Variants in ZNF624 observed in about 807,000 individuals in gnomAD.
ZNF624 encodes zinc finger protein 624.
Under a neutral mutation model 74.7 loss-of-function variants are expected in ZNF624, and 43 were observed. The ratio of observed to expected loss-of-function variants is 0.58; its 90% CI spans 0.45 to 0.74. The LOEUF is 0.74. Ranked by LOEUF, ZNF624 falls within the 30% of genes least tolerant of loss-of-function variation. The pLI is 0.00. For missense variants in ZNF624, 820 were observed against 1,030.0 expected, an observed-to-expected ratio of 0.80 and a Z score of 2.79; for synonymous variants, 331 against 341.3, an observed-to-expected ratio of 0.97 and a Z score of 0.33.
intron 5 of ZNF624, among the ~76,000 whole-genome samples, chr17:16,633,106 CCA>C (rs1213187955): frequency 6.6e-6 from 1 of 152,210 alleles, no homozygotes; most frequent in Non-Finnish European, 1.5e-5. Flanking sequence ...TCATCCCACC[CCA>C]GTTACTCTTT....
chr17:16,647,155 G>A (rs543336984), intron 3 of ZNF624, among the ~76,000 whole-genome samples, 174 bp downstream of exon 3: 37 of 152,174 alleles, frequency 2.4e-4, no homozygotes, highest in African/African-American at 8.9e-4. Context: ...GCTAGATTAC[G>A]GCTGCCACCT....
chr17:16,636,807 G>A (rs1285521073), intron 3 of ZNF624, among the ~76,000 whole-genome samples: 20 of 151,526 alleles, frequency 1.3e-4, no homozygotes, highest in Non-Finnish European at 2.4e-4. Context: ...CTGCACTCCA[G>A]CCTGGTACAC....
In ZNF624 at chr17:16,641,619, A is replaced by G. The variant is rs1362362663; in HGVS notation, c.153+5710T>C. On this transcript the variant is annotated intron_variant, in intron 3 of 5. Coordinates refer to ENST00000311331, the MANE Select transcript of ZNF624 (RefSeq NM_020787.4). ...ACTTCTATTCAACATTATATCGTAC[A>G]TTTTGCAAGGGAAATTTGAAAAGGA... 1.3e-5 allele frequency among the ~76,000 whole-genome samples: 2 copies of G among 152,290 alleles called. 1 individual carries two copies. Among genetic ancestry groups the G allele is most frequent in the South Asian group, 4.1e-4 (2 of 4,832 alleles).
At chr17:16,650,490 T>G (rs924452273) in intron 1 of ZNF624, among the ~76,000 whole-genome samples, 3 of 151,852 alleles carry the variant, frequency 2.0e-5, no homozygotes, top group African/African-American at 7.3e-5. Flanking sequence ...TCTTTTTATA[T>G]TGAAAAAAAA....
chr17:16,627,464 G>C (rs971485606), intron 5 of ZNF624, among the ~76,000 whole-genome samples: 4 of 152,226 alleles, frequency 2.6e-5, no homozygotes, highest in African/African-American at 7.2e-5. Flanking sequence ...TTGGACAAAA[G>C]AACAGTCTGT....
downstream of ZNF624, among the ~76,000 whole-genome samples, chr17:16,619,168 A>G (rs938918405): frequency 6.6e-6 from 1 of 152,244 alleles, no homozygotes; most frequent in Non-Finnish European, 1.5e-5. Context: ...GATGTTGAAC[A>G]AATTGCTTAT....
chr17:16,651,417 G>A (rs1276888378), intron 1 of ZNF624, among the ~76,000 whole-genome samples: 2 of 144,596 alleles, frequency 1.4e-5, no homozygotes, highest in South Asian at 2.2e-4. Flanking sequence ...GCGACACAGC[G>A]AGACTCCATC....
chr17:16,618,018 A>G (rs796534682), downstream of ZNF624: 10 of 605,212 alleles, frequency 1.7e-5, no homozygotes, highest in South Asian at 2.0e-5. Flanking sequence ...CAGCCACACA[A>G]TGGTTAGCAA....
chr17:16,634,094 C>A, intron 4 of ZNF624, 137 bp from the exon 5 acceptor site: 1 of 544,356 alleles, frequency 1.8e-6, no homozygotes, highest in Non-Finnish European at 3.2e-6. Context: ...GATACAGTTG[C>A]CAATTGTCAC....
At position 16,621,382 on chromosome 17, in the gene ZNF624, T is replaced by C. The variant is rs1378409609; in HGVS notation, c.*906A>G. The C allele has an allele frequency of 1.3e-5, 2 of 152,272 alleles. No homozygotes were observed. The highest frequency in any genetic ancestry group is 2.9e-5 in the Non-Finnish European group (2 of 68,050). The allele number at this position is 152,272 out of a possible 1,614,324, so 9.4% of individuals were successfully genotyped here. On this transcript the variant is annotated 3_prime_UTR_variant, in exon 6 of 6. Coordinates refer to ENST00000311331, the MANE Select transcript of ZNF624 (RefSeq NM_020787.4). ...ACATGTTTATTTACATTCTTATGCA[T>C]TGATGCTGCTTTTATTTCTAACGGA... is the stretch of plus-strand genomic sequence containing the variant.
Position 16,622,773 on chromosome 17 carries a change from A to G in ZNF624, c.2113T>C (p.Phe705Leu). 1.2e-6 allele frequency: 2 copies of G among 1,613,848 alleles called. No homozygotes were observed. The highest frequency in any genetic ancestry group is 1.7e-6 in the Non-Finnish European group (2 of 1,179,984). The change falls in exon 6 of 6, where the codon TTC (phenylalanine) becomes CTC (leucine). Residue 705 changes from phenylalanine (F) to leucine (L), a missense_variant. Phe to Leu is a conservative substitution (Grantham distance 22, BLOSUM62 0). Transcript: ENST00000311331. ...PYKCNECGKV[F>L]TSNSGFNTHQ... ...GTATTAAAGCCTGAGTTACTTGTGA[A>G]AACCTTTCCACATTCATTGCATTTA...
At chr17:16,647,571 TTG>T (rs1238245565) in intron 2 of ZNF624, among the ~76,000 whole-genome samples, 177 bp from the exon 3 acceptor site, 1 of 151,972 alleles carries the variant, frequency 6.6e-6, no homozygotes, top group African/African-American at 2.4e-5. Context: ...ATCTTTCACT[TTG>T]TTTGGGACAA....
chr17:16,636,881 G>A (rs1909345417), intron 3 of ZNF624, among the ~76,000 whole-genome samples: 1 of 152,058 alleles, frequency 6.6e-6, no homozygotes, highest in African/African-American at 2.4e-5. Flanking sequence ...GTGTTGAATA[G>A]GAGTGGTGAG....
At position 16,623,055 on chromosome 17, in the gene ZNF624, G is replaced by A. The variant is rs763984488; in HGVS notation, c.1831C>T (p.Pro611Ser). 6.2e-7 allele frequency: 1 copy of A among 1,613,970 alleles called. No individual in the cohort carries two copies. Among genetic ancestry groups the A allele is most frequent in the East Asian group, 2.2e-5 (1 of 44,872 alleles). ...VHQRIHTGEK[P>S]YKCTDCERAF... ...CTCTCGCAGTCAGTACATTTATATG[G>A]TTTCTCTCCAGTGTGAATTCTCTGA... Residue 611 changes from proline to serine, a missense_variant, in exon 6 of 6, where the codon CCA becomes TCA. Transcript: ENST00000311331. This position sits in a 1 kb window ranked among gnomAD's most constrained non-coding sequence, Gnocchi z 5.3.
downstream of ZNF624, chr17:16,617,658 C>T (rs530394035): frequency 1.2e-6 from 2 of 1,605,522 alleles, no homozygotes; most frequent in Non-Finnish European, 1.7e-6. Flanking sequence ...GTCGCGATTG[C>T]GACGCGGGCC....
At chr17:16,646,709 C>A (rs1286566456) in intron 3 of ZNF624, among the ~76,000 whole-genome samples, 2 of 152,182 alleles carry the variant, frequency 1.3e-5, no homozygotes, top group African/African-American at 2.4e-5. Flanking sequence ...TTTCAATCTT[C>A]TACAAGTTAA....
intron 3 of ZNF624, among the ~76,000 whole-genome samples, chr17:16,645,960 AAAAAAG>A (rs1909583547): frequency 6.6e-6 from 1 of 151,354 alleles, no homozygotes; most frequent in Non-Finnish European, 1.5e-5. Context: ...AAAAAAAAAA[AAAAAAG>A]AAAATGTCAG....
At chr17:16,627,825 T>C (rs6502516) in intron 5 of ZNF624, among the ~76,000 whole-genome samples, 8,025 of 152,268 alleles carry the variant, frequency 0.053, 463 homozygotes, top group South Asian at 0.13. Context: ...TGAATGAAGA[T>C]TGTTATAGTC....
chr17:16,632,984 A>G (rs1909240907), intron 5 of ZNF624, among the ~76,000 whole-genome samples: 1 of 152,080 alleles, frequency 6.6e-6, no homozygotes, highest in African/African-American at 2.4e-5. Flanking sequence ...AGCCTGGAAT[A>G]CTTCTCTTTT....
Sources: allele counts gnomAD v4.1 joint callset (sites outside exome capture counted in the v4.1 genomes callset), GRCh38; gene constraint gnomAD v4.1.1; non-coding constraint Gnocchi (gnomAD v3.1); transcripts MANE v1.5; gene names NCBI Gene and HGNC (gene_info 2026-07-23, HGNC 2026-07-21).